The following C1orf159 variants were observed in gnomAD, a reference collection of about 807,000 sequenced individuals.
C1orf159 encodes the protein uncharacterized protein C1orf159.
Under a neutral mutation model 25.6 loss-of-function variants are expected in C1orf159, and 19 were observed. The observed-to-expected ratio is 0.74, with a 90% CI of 0.52 to 1.09. C1orf159 has a LOEUF of 1.09. Ranked by LOEUF, C1orf159 falls within the 50% of genes least tolerant of loss-of-function variation. The pLI is 0.00. For synonymous variants in C1orf159, 139 were observed against 124.7 expected, an observed-to-expected ratio of 1.12 and a Z score of -0.77; for missense variants, 274 against 290.6, an observed-to-expected ratio of 0.94 and a Z score of 0.42.
intron 1 of C1orf159, among the ~76,000 whole-genome samples, chr1:1,107,040 C>T (rs540865262): frequency 4.3e-4 from 66 of 152,308 alleles, no homozygotes; most frequent in Admixed American, 1.1e-3. Context: ...CGAGGCCCCC[C>T]GCACCCCCGC....
intron 3 of C1orf159, chr1:1,090,712 A>G: frequency 2.7e-6 from 2 of 752,642 alleles, no homozygotes; most frequent in Non-Finnish European, 4.5e-6. Context: ...CCCGCAGGCC[A>G]TGGCAGCGCC....
chr1:1,090,887 G>T, intron 3 of C1orf159: 2 of 1,550,266 alleles, frequency 1.3e-6, no homozygotes, highest in Non-Finnish European at 1.7e-6. Flanking sequence ...GTGTGTGTGA[G>T]GGCCCATTCC....
intron 1 of C1orf159, among the ~76,000 whole-genome samples, chr1:1,095,442 T>C (rs1275409992): frequency 6.6e-6 from 1 of 152,266 alleles, no homozygotes; most frequent in Non-Finnish European, 1.5e-5. Flanking sequence ...TTATTACAAA[T>C]AGAATGTAAT....
chr1:1,086,820 C>A (rs561135456), intron 6 of C1orf159, among the ~76,000 whole-genome samples: 1 of 152,056 alleles, frequency 6.6e-6, no homozygotes, highest in Admixed American at 6.6e-5. Flanking sequence ...TAAGAGCGTG[C>A]GGTGTGGCCG....
At chr1:1,114,078 G>A (rs1409555575) in intron 1 of C1orf159, among the ~76,000 whole-genome samples, 3 of 152,004 alleles carry the variant, frequency 2.0e-5, no homozygotes, top group South Asian at 2.1e-4. Flanking sequence ...CACCATGCCC[G>A]GCTAATTTTT....
chr1:1,086,119 C>CGGTCCCG, intron 6 of C1orf159, 107 bp from the exon 7 acceptor site: 1 of 1,379,170 alleles, frequency 7.3e-7, no homozygotes, highest in Non-Finnish European at 9.9e-7. Context: ...CTGAACATGC[C>CGGTCCCG]TGAGCCTCAC....
At chr1:1,108,014 G>C (rs1012563188) in intron 1 of C1orf159, among the ~76,000 whole-genome samples, 3 of 152,222 alleles carry the variant, frequency 2.0e-5, no homozygotes, top group African/African-American at 7.2e-5. Flanking sequence ...CTTGAAGTCA[G>C]TGAGACCAAG....
At chr1:1,099,532 T>A (rs1354536952) in intron 1 of C1orf159, among the ~76,000 whole-genome samples, 1 of 145,596 alleles carries the variant, frequency 6.9e-6, no homozygotes, top group Non-Finnish European at 1.5e-5. Flanking sequence ...ATGTTTTTGG[T>A]CTATTGTTCT....
chr1:1,087,150 C>G lies in C1orf159; in HGVS notation c.299G>C (p.Arg100Pro), dbSNP rs144168476. 1.5e-3 allele frequency: 2,488 copies of G among 1,609,530 alleles called. 2 individuals carry two copies. The highest frequency in any genetic ancestry group is 2.1e-3 in the Admixed American group (126 of 59,930). ...CTGCTGAGACTTACCAGGATGTGGC[C>G]GCCCGGGGGTCCCTGAGCTTCTGTT... ...PMNRSSGTPG[R>P]PHPGAPRVAA... The change falls in exon 6 of 10, where the codon CGG becomes CCG. Residue 100 changes from arginine to proline, a missense_variant. By Grantham distance (103) the Arg-to-Pro change is moderately radical. Coordinates refer to ENST00000421241, the MANE Select transcript of C1orf159 (RefSeq NM_017891.5). The surrounding 1 kb of genome is among the most constrained non-coding windows in gnomAD (Gnocchi z 8.3).
rs1238997995 is a variant in C1orf159 at position 1,085,926 on chromosome 1, G to C, written c.397C>G (p.Leu133Val). 8.1e-6 allele frequency: 13 copies of C among 1,613,432 alleles called. No homozygotes were observed. The highest frequency in any genetic ancestry group is 1.0e-5 in the Non-Finnish European group (12 of 1,179,814). Residue 133 changes from leucine (L) to valine (V), a missense_variant, in exon 7 of 10, where the codon CTC becomes GTC. Coordinates refer to ENST00000421241, the MANE Select transcript of C1orf159 (RefSeq NM_017891.5). ...CTGGGGAGTTTACTGGAGCGCTTGAGGTAGAAGAACCCAGCTACGGAGAGG... is the reference window on the plus strand; with the variant it reads ...CTGGGGAGTTTACTGGAGCGCTTGACGTAGAAGAACCCAGCTACGGAGAGG... ...LILSVAGFFYLKRSSKLPRAC... is the reference protein window; with the variant it reads ...LILSVAGFFYVKRSSKLPRAC...
rs952603673 is a variant in C1orf159, at chr1:1,089,116, C to A, written c.148+1237G>T. On this transcript the variant is annotated intron_variant, in intron 4 of 9. Coordinates refer to ENST00000421241, the MANE Select transcript of C1orf159 (RefSeq NM_017891.5). The surrounding 1 kb of genome is among the most constrained non-coding windows in gnomAD (Gnocchi z 7.5). ...AGCGGAGACGTGACCTGGCTTGGGG[C>A]CGCACGCAGGGGGAAGCGTATCCAA... Among the ~76,000 whole-genome samples the A allele has an allele frequency of 1.3e-4, 20 of 152,176 alleles. No homozygotes were observed. The highest frequency in any genetic ancestry group is 4.6e-4 in the African/African-American group (19 of 41,448).
chr1:1,097,531 GC>G (rs1484569145), intron 1 of C1orf159, among the ~76,000 whole-genome samples: 1 of 151,618 alleles, frequency 6.6e-6, no homozygotes, highest in East Asian at 1.9e-4. Flanking sequence ...TCCCACCTCA[GC>G]CTTCTGACTA....
chr1:1,097,304 A>G (rs1046293174), intron 1 of C1orf159, among the ~76,000 whole-genome samples: 142 of 152,106 alleles, frequency 9.3e-4, no homozygotes, highest in African/African-American at 3.2e-3. Context: ...ACAGGGTTTC[A>G]CCATGTTGGC....
intron 7 of C1orf159, chr1:1,085,100 C>T (rs1645808046): frequency 7.5e-6 from 2 of 267,396 alleles, no homozygotes; most frequent in Non-Finnish European, 1.6e-5. Flanking sequence ...GCAGGAGACC[C>T]TGGCAGCGGG....
chr1:1,084,645 C>T (rs1159426026), intron 7 of C1orf159, 139 bp from the exon 8 acceptor site: 26 of 1,097,738 alleles, frequency 2.4e-5, no homozygotes, highest in Middle Eastern at 2.9e-4. Flanking sequence ...GCAGAGGCCC[C>T]GGGGCTGCAG....
intron 2 of C1orf159, 69 bp downstream of exon 2, chr1:1,091,922 T>C (rs533122147): frequency 1.1e-5 from 5 of 436,442 alleles, no homozygotes; most frequent in South Asian, 5.1e-5. Flanking sequence ...CAAATGGAGG[T>C]GGGGTGAAAG....
rs947531055 is a variant in C1orf159, at chr1:1,090,695, G to A, written c.73-267C>T. 1.4e-5 allele frequency: 10 copies of A among 709,480 alleles called. No individual in the cohort carries two copies. The East Asian group carries it at 2.7e-4, about 19-fold the overall frequency. 43.9% of individuals were successfully genotyped at this position (709,480 alleles called of 1,614,324 possible). A position where few individuals can be genotyped will look rare whatever the true frequency, so the allele number is the denominator to read the frequency against. On this transcript the variant is annotated intron_variant, in intron 3 of 9. Coordinates refer to ENST00000421241, the MANE Select transcript of C1orf159 (RefSeq NM_017891.5). ...CTGGAAGAGTAAACCACCCCCAGGA[G>A]GCGGCACCCGCAGGCCATGGCAGCG...
In C1orf159 at chr1:1,090,382, C is replaced by G. The variant is rs1645909372; in HGVS notation, c.119G>C (p.Ser40Thr). ...CCVDVVGVNA[S>T]CPGASLCGPG... ...ACCACACAGACTTGCGCCTGGGCAG[C>G]TGGCGTTGACGCCCACCACATCCAC... is the stretch of plus-strand genomic sequence containing the variant. The change falls in exon 4 of 10, where the codon AGC (serine) becomes ACC (threonine). Residue 40 changes from serine to threonine, a missense_variant. Transcript: ENST00000421241. 1.3e-6 allele frequency: 2 copies of G among 1,550,044 alleles called. No homozygotes were observed. The highest frequency in any genetic ancestry group is 1.4e-5 in the African/African-American group (1 of 72,910).
At position 1,085,549 on chromosome 1, in the gene C1orf159, G is replaced by T. The variant is rs573080798; in HGVS notation, c.445+329C>A. ...AGGAGCCCAGGCAAGTCCAACTGCC[G>T]AGAGCCACCCAGCCCCGCTCCACTC... On this transcript the variant is annotated intron_variant, in intron 7 of 9. Coordinates refer to ENST00000421241, the MANE Select transcript of C1orf159 (RefSeq NM_017891.5). 8.4e-4 allele frequency among the ~76,000 whole-genome samples: 128 copies of T among 152,160 alleles called. 1 individual carries two copies. The highest frequency in any genetic ancestry group is 2.9e-3 in the African/African-American group (121 of 41,518).
Sources: allele counts gnomAD v4.1 joint callset (sites outside exome capture counted in the v4.1 genomes callset), GRCh38; gene constraint gnomAD v4.1.1; non-coding constraint Gnocchi (gnomAD v3.1); transcripts MANE v1.5; gene names NCBI Gene and HGNC (gene_info 2026-07-23, HGNC 2026-07-21).